The following GRID2 variants were observed in gnomAD, a reference collection of about 807,000 sequenced individuals.
GRID2 encodes the protein glutamate receptor ionotropic, delta-2.
GRID2 carries 33 observed loss-of-function variants against 114.8 expected under a neutral mutation model. That is an observed-to-expected ratio of 0.29 (90% CI 0.22 to 0.38). The LOEUF is 0.38. Among genes scored for constraint, GRID2 ranks in the 10% least tolerant of loss-of-function variants. The probability of loss-of-function intolerance (pLI) is 1.00; values close to 1 mark genes in which losing one functional copy is unlikely to be tolerated. For missense variants in GRID2, 1,184 were observed against 1,257.7 expected, an observed-to-expected ratio of 0.94 and a Z score of 0.89; for synonymous variants, 505 against 449.9, an observed-to-expected ratio of 1.12 and a Z score of -1.55.
chr4:93,751,420 T>C (rs1560973210), intron 14 of GRID2, among the ~76,000 whole-genome samples: 1 of 151,344 alleles, frequency 6.6e-6, no homozygotes, highest in Non-Finnish European at 1.5e-5. Context: ...GAGTGAACTC[T>C]TTTATTCCTC....
intron 13 of GRID2, among the ~76,000 whole-genome samples, chr4:93,548,983 G>A (rs1374393276): frequency 6.6e-6 from 1 of 151,974 alleles, no homozygotes. Context: ...TCAAGGTGTA[G>A]AAGAAATAAG....
chr4:93,168,945 A>G (rs1443377028), intron 4 of GRID2, among the ~76,000 whole-genome samples: 1 of 152,086 alleles, frequency 6.6e-6, no homozygotes, highest in Non-Finnish European at 1.5e-5. Context: ...TTAATATTTT[A>G]TTTACCTTCT....
At chr4:92,920,618 G>C (rs542363925) in intron 2 of GRID2, among the ~76,000 whole-genome samples, 4 of 152,266 alleles carry the variant, frequency 2.6e-5, no homozygotes, top group Middle Eastern at 3.4e-3. Context: ...GCTTAGTTTG[G>C]CTGGATATGA....
chr4:93,667,868 T>G (rs768980613), intron 14 of GRID2, among the ~76,000 whole-genome samples: 5 of 152,060 alleles, frequency 3.3e-5, no homozygotes, highest in Non-Finnish European at 7.4e-5. Context: ...TAATGCAGTG[T>G]AGGATCAGCA....
At chr4:92,395,604 C>A (rs1161336482) in intron 1 of GRID2, among the ~76,000 whole-genome samples, 3 of 151,580 alleles carry the variant, frequency 2.0e-5, no homozygotes, top group Non-Finnish European at 4.4e-5. Flanking sequence ...CTCTCTTGCC[C>A]CGATATATTT....
intron 1 of GRID2, among the ~76,000 whole-genome samples, chr4:92,542,725 T>C (rs190953318): frequency 1.6e-4 from 24 of 151,982 alleles, no homozygotes; most frequent in African/African-American, 5.1e-4. Flanking sequence ...AAATCACCAC[T>C]AAAGAACTTT....
intron 13 of GRID2, among the ~76,000 whole-genome samples, chr4:93,571,738 C>T (rs1189890848): frequency 1.3e-5 from 2 of 151,896 alleles, no homozygotes; most frequent in South Asian, 2.1e-4. Context: ...AAAAGTAATG[C>T]ATAGTAATGC....
intron 2 of GRID2, among the ~76,000 whole-genome samples, chr4:92,940,005 C>T (rs1282611619): frequency 6.8e-6 from 1 of 147,222 alleles, no homozygotes; most frequent in African/African-American, 2.4e-5. Flanking sequence ...AGCGTGATGC[C>T]TCTAGCTTTG....
chr4:93,326,855 G>C (rs540528341), intron 8 of GRID2, among the ~76,000 whole-genome samples: 1 of 152,082 alleles, frequency 6.6e-6, no homozygotes, highest in Non-Finnish European at 1.5e-5. Context: ...GTTTCATCAG[G>C]CTCAACTGTG....
At chr4:92,405,161 C>G (rs1266755569) in intron 1 of GRID2, among the ~76,000 whole-genome samples, 1 of 152,084 alleles carries the variant, frequency 6.6e-6, no homozygotes, top group Non-Finnish European at 1.5e-5. Context: ...GTTCAAACTC[C>G]CAGCAATTCG....
At chr4:93,225,355 G>T (rs549297988) in intron 7 of GRID2, among the ~76,000 whole-genome samples, 15 of 152,110 alleles carry the variant, frequency 9.9e-5, no homozygotes, top group Non-Finnish European at 1.3e-4. Flanking sequence ...CCAGAAGGCA[G>T]TTTATGTTGT....
At chr4:92,588,092 T>A (rs1474833561) in intron 1 of GRID2, among the ~76,000 whole-genome samples, 2 of 152,122 alleles carry the variant, frequency 1.3e-5, no homozygotes, top group Non-Finnish European at 2.9e-5. Context: ...AATTTGTATA[T>A]CTAAACCTGA....
At chr4:93,194,419 C>G (rs1422232162) in intron 4 of GRID2, among the ~76,000 whole-genome samples, 1 of 151,990 alleles carries the variant, frequency 6.6e-6, no homozygotes, top group Non-Finnish European at 1.5e-5. Context: ...TTACAATAGG[C>G]TTGAAAATAT....
At chr4:93,403,432 A>G (rs1282775853) in intron 9 of GRID2, among the ~76,000 whole-genome samples, 2 of 152,168 alleles carry the variant, frequency 1.3e-5, no homozygotes, top group African/African-American at 2.4e-5. Flanking sequence ...AACAACACTA[A>G]CAAAAAAGTT....
chr4:92,866,109 T>C (rs554815061), intron 2 of GRID2, among the ~76,000 whole-genome samples: 2 of 152,354 alleles, frequency 1.3e-5, no homozygotes, highest in South Asian at 2.1e-4. Context: ...TCCGGCACCC[T>C]GTGAATGATA....
At chr4:93,675,885 G>T (rs1041708292) in intron 14 of GRID2, among the ~76,000 whole-genome samples, 1 of 152,160 alleles carries the variant, frequency 6.6e-6, no homozygotes, top group Admixed American at 6.5e-5. Context: ...CCACTCCAAA[G>T]AATTTCCTAA....
intron 14 of GRID2, among the ~76,000 whole-genome samples, chr4:93,664,094 C>A (rs75987568): frequency 0.033 from 5,087 of 152,260 alleles, 135 homozygotes; most frequent in Middle Eastern, 0.054. Flanking sequence ...GGTGAAGGAG[C>A]AAGCCATGCA....
intron 1 of GRID2, among the ~76,000 whole-genome samples, chr4:92,461,221 A>C (rs1202783434): frequency 6.6e-6 from 1 of 151,974 alleles, no homozygotes; most frequent in Admixed American, 6.6e-5. Flanking sequence ...CTTTTATCGT[A>C]GGAATGTTAC....
At chr4:93,004,181 C>A (rs1219043847) in intron 2 of GRID2, among the ~76,000 whole-genome samples, 1 of 151,692 alleles carries the variant, frequency 6.6e-6, no homozygotes, top group Non-Finnish European at 1.5e-5. Context: ...ACCTGTATTA[C>A]AAGAAGCACC....
Sources: allele counts gnomAD v4.1 joint callset (sites outside exome capture counted in the v4.1 genomes callset), GRCh38; gene constraint gnomAD v4.1.1; transcripts MANE v1.5; gene names NCBI Gene and HGNC (gene_info 2026-07-23, HGNC 2026-07-21).